Variants in CDH13 observed in about 807,000 individuals in gnomAD.
The protein encoded by CDH13 is cadherin-13.
In CDH13, 24 loss-of-function variants were observed where a neutral mutation model predicts 63.8. The ratio of observed to expected loss-of-function variants is 0.38; its 90% confidence interval spans 0.27 to 0.53. The LOEUF (loss-of-function observed/expected upper bound fraction) is 0.53, where lower values mean the gene tolerates loss of function less well. Among genes scored for constraint, CDH13 ranks in the 20% least tolerant of loss-of-function variants. The pLI is 0.85. For missense variants in CDH13, 1,049 were observed against 903.1 expected, an observed-to-expected ratio of 1.16 and a Z score of -2.07; for synonymous variants, 503 against 355.3, an observed-to-expected ratio of 1.42 and a Z score of -4.67.
At chr16:82,792,170 C>G (rs1019939603) in intron 1 of CDH13, among the ~76,000 whole-genome samples, 2 of 152,172 alleles carry the variant, frequency 1.3e-5, no homozygotes, top group Non-Finnish European at 2.9e-5. Flanking sequence ...ACTTCATAGA[C>G]TCACAATTCC....
rs143417378 is a variant in CDH13, at chr16:83,042,714, C to G, written c.366+10496C>G. On this transcript the variant is annotated intron_variant, in intron 3 of 13. Coordinates refer to ENST00000567109, the MANE Select transcript of CDH13 (RefSeq NM_001257.5). ...AAATAATTCCTGAAAATGAGAGCAA[C>G]AAGCTCGTGGTAAATTAATTACCTT... 1.9e-3 allele frequency among the ~76,000 whole-genome samples: 283 copies of G among 152,288 alleles called. 2 individuals carry two copies. The highest frequency in any genetic ancestry group is 6.6e-3 in the African/African-American group (275 of 41,558).
intron 1 of CDH13, among the ~76,000 whole-genome samples, chr16:82,685,160 C>A (rs1186686752): frequency 6.6e-6 from 1 of 152,310 alleles, no homozygotes; most frequent in South Asian, 2.1e-4. Flanking sequence ...TGATCTTAAT[C>A]TGTTTGAGCT....
chr16:83,093,358 C>T lies in CDH13; in HGVS notation c.367-32027C>T, dbSNP rs373030459. ...GAGGTGGAGTCTTCGTCTTTTGCCC[C>T]GGCTGGAGTGCCGTGAGTGGCACAG... On this transcript the variant is annotated intron_variant, in intron 3 of 13. Transcript: ENST00000567109. 3.4e-4 allele frequency among the ~76,000 whole-genome samples: 38 copies of T among 112,616 alleles called. 1 individual carries two copies. Among genetic ancestry groups the T allele is most frequent in the Middle Eastern group, 0.01 (1 of 96 alleles). The allele number at this position is 112,616 out of a possible 152,430, so 73.9% of individuals were successfully genotyped here. A position where few individuals can be genotyped will look rare whatever the true frequency, so the allele number is the denominator to read the frequency against.
chr16:83,368,884 T>TATATATA (rs2091304865), intron 6 of CDH13, among the ~76,000 whole-genome samples: 4 of 47,702 alleles, frequency 8.4e-5, no homozygotes, highest in African/African-American at 1.8e-4. Flanking sequence ...GTATTCCATG[T>TATATATA]TATATATATA....
chr16:83,423,989 G>A (rs530580316), intron 6 of CDH13, among the ~76,000 whole-genome samples: 2 of 152,270 alleles, frequency 1.3e-5, no homozygotes, highest in South Asian at 2.1e-4. Flanking sequence ...TGGGAAACCA[G>A]TCTAGAAGAG....
chr16:83,479,775 A>C (rs2073710565), intron 6 of CDH13, among the ~76,000 whole-genome samples: 1 of 152,226 alleles, frequency 6.6e-6, no homozygotes, highest in South Asian at 2.1e-4. Context: ...AAAGTTGGTC[A>C]TTAGGAGAGA....
intron 8 of CDH13, among the ~76,000 whole-genome samples, chr16:83,647,058 C>G (rs1249871585): frequency 6.6e-6 from 1 of 152,066 alleles, no homozygotes; most frequent in Non-Finnish European, 1.5e-5. Context: ...CGCCTGTAAT[C>G]CCAGCACTTT....
chr16:82,708,022 T>A (rs1567647741), intron 1 of CDH13, among the ~76,000 whole-genome samples: 1 of 152,090 alleles, frequency 6.6e-6, no homozygotes, highest in Non-Finnish European at 1.5e-5. Context: ...CATTCCATCT[T>A]TTTCCTTCCA....
intron 2 of CDH13, among the ~76,000 whole-genome samples, chr16:82,929,826 C>T (rs895794266): frequency 2.0e-5 from 3 of 151,850 alleles, no homozygotes; most frequent in Non-Finnish European, 4.4e-5. Context: ...TATCCTGTTA[C>T]AGCATCCCGA....
chr16:83,576,453 C>G lies in CDH13; in HGVS notation c.961-26001C>G, dbSNP rs1413412383. Among the ~76,000 whole-genome samples, 3 of 152,188 alleles carry G rather than the reference C, an allele frequency of 2.0e-5. No individual in the cohort carries two copies. In the East Asian group the frequency reaches 5.8e-4, roughly 29 times the overall value. Reference sequence around the variant, plus strand: ...CTGTTTCTACCTTCTGGCTAATGTGCTGTTCTATGAACGTGTGCATACATG... The same window carrying G: ...CTGTTTCTACCTTCTGGCTAATGTGGTGTTCTATGAACGTGTGCATACATG... On this transcript the variant is annotated intron_variant, in intron 7 of 13. Transcript: ENST00000567109.
intron 4 of CDH13, among the ~76,000 whole-genome samples, chr16:83,172,139 G>T (rs1317498145): frequency 1.3e-5 from 2 of 150,678 alleles, no homozygotes; most frequent in African/African-American, 5.0e-5. Context: ...TATGACTGAT[G>T]CCTATAAAAA....
At chr16:83,668,683 G>A (rs1347206390) in intron 8 of CDH13, among the ~76,000 whole-genome samples, 1 of 152,228 alleles carries the variant, frequency 6.6e-6, no homozygotes, top group African/African-American at 2.4e-5. Context: ...GAGTGGCAGA[G>A]CAAAGATTAC....
intron 3 of CDH13, among the ~76,000 whole-genome samples, chr16:83,076,009 G>A (rs1185947206): frequency 6.6e-6 from 1 of 152,192 alleles, no homozygotes; most frequent in Non-Finnish European, 1.5e-5. Context: ...AATGTGTTAA[G>A]GGAAGTATGC....
At chr16:83,247,115 T>C (rs568728161) in intron 5 of CDH13, among the ~76,000 whole-genome samples, 12 of 152,160 alleles carry the variant, frequency 7.9e-5, no homozygotes, top group Non-Finnish European at 1.3e-4. Flanking sequence ...GATTTTAGGA[T>C]TGGAGATCAT....
chr16:82,976,445 T>G (rs1332972902), intron 2 of CDH13, among the ~76,000 whole-genome samples: 1 of 152,342 alleles, frequency 6.6e-6, no homozygotes, highest in East Asian at 1.9e-4. Context: ...GCTTTTCCAG[T>G]TATCCTCATG....
intron 10 of CDH13, 145 bp downstream of exon 10, chr16:83,678,606 G>T: frequency 1.8e-6 from 2 of 1,097,552 alleles, no homozygotes; most frequent in Non-Finnish European, 2.6e-6. Flanking sequence ...GCGTCATAGA[G>T]AGGAGGTTGT....
chr16:82,639,107 G>A (rs780442422), intron 1 of CDH13, among the ~76,000 whole-genome samples: 2 of 152,124 alleles, frequency 1.3e-5, no homozygotes, highest in Non-Finnish European at 2.9e-5. Context: ...TTTCCTCTAT[G>A]TTGCACTAGT....
At chr16:82,897,417 A>G (rs1346197254) in intron 2 of CDH13, among the ~76,000 whole-genome samples, 1 of 152,216 alleles carries the variant, frequency 6.6e-6, no homozygotes, top group Non-Finnish European at 1.5e-5. Flanking sequence ...TTACTCCTTC[A>G]TGTTATGTTT....
At chr16:82,990,064 C>T (rs1301899652) in intron 2 of CDH13, 1 of 152,074 alleles carries the variant, frequency 6.6e-6, no homozygotes, top group Admixed American at 6.6e-5. Context: ...TATCCATATA[C>T]TGTATCACAT....
Sources: gnomAD v4.1 joint callset for allele counts (sites outside exome capture counted in the v4.1 genomes callset) on GRCh38, gnomAD v4.1.1 for gene constraint, MANE v1.5 for transcripts, NCBI Gene and HGNC (gene_info 2026-07-23, HGNC 2026-07-21) for gene names.